The following MARCO variants were observed in gnomAD, a reference collection of about 807,000 sequenced individuals.
The protein encoded by MARCO is macrophage receptor with collagenous structure.
Under a neutral mutation model 70.0 loss-of-function variants are expected in MARCO, and 72 were observed. That is an observed-to-expected ratio of 1.03 (90% CI 0.85 to 1.25). The LOEUF is 1.25. MARCO is among the 50% of genes most tolerant of loss of function. The pLI is 0.00. For missense variants in MARCO, 696 were observed against 659.3 expected (o/e 1.06, Z -0.61); for synonymous variants, 273 against 243.1 (o/e 1.12, Z -1.14).
intron 1 of MARCO, among the ~76,000 whole-genome samples, chr2:118,943,054 C>T (rs531706131): frequency 6.6e-6 from 1 of 152,322 alleles, no homozygotes; most frequent in Non-Finnish European, 1.5e-5. Flanking sequence ...TTGCATTCCA[C>T]AAATGAGCTC....
At position 118,977,831 on chromosome 2, in the gene MARCO, C is replaced by A. The variant is rs772814733; in HGVS notation, c.662C>A (p.Thr221Asn). 32 of 1,610,626 alleles carry A rather than the reference C, an allele frequency of 2.0e-5. No individual in the cohort carries two copies. The East Asian group carries it at 6.9e-4, about 35-fold the overall frequency. ...GAPGKQGATGTPGPQGEKGSK... is the reference protein window; with the variant it reads ...GAPGKQGATGNPGPQGEKGSK... ...TCACCAGCCATTCTCTTTGCAGGCA[C>A]CCCAGGACCCCAAGGAGAGAAGGGC... The change falls in exon 8 of 17, where the codon ACC (threonine) becomes AAC (asparagine). Residue 221 changes from threonine to asparagine, a missense_variant. Around this residue, in one of 3 missense-constraint regions of MARCO, gnomAD observed 605 missense variants for 537.6 expected, o/e 1.13. Coordinates refer to ENST00000327097, the MANE Select transcript of MARCO (RefSeq NM_006770.4).
rs929483233 is a variant in MARCO, at chr2:118,982,344, C to T, written c.1001-4C>T. 6.2e-7 allele frequency: 1 copy of T among 1,613,824 alleles called. No homozygotes were observed. Among genetic ancestry groups the T allele is most frequent in the Non-Finnish European group, 8.5e-7 (1 of 1,179,848 alleles). On this transcript the variant is annotated splice_polypyrimidine_tract_variant and splice_region_variant and intron_variant, in intron 11 of 16. Coordinates refer to ENST00000327097, the MANE Select transcript of MARCO (RefSeq NM_006770.4). ...TTATGCTCTCTGTGGTGTCTGTTGT[C>T]CAGGACTTCCAGGGAGCCCCGGGAG...
At chr2:118,971,431 C>G (rs1476603726) in intron 3 of MARCO, 68 bp from the exon 4 acceptor site, 2 of 1,506,792 alleles carry the variant, frequency 1.3e-6, no homozygotes, top group Non-Finnish European at 1.8e-6. Flanking sequence ...AACCTGGGCA[C>G]TCTCAGTTGG....
Position 118,991,807 on chromosome 2 carries a change from G to T in MARCO, c.1139G>T (p.Ser380Ile), listed in dbSNP as rs370114985. The change falls in exon 14 of 17, where the codon AGC becomes ATC. Residue 380 changes from serine to isoleucine, a missense_variant. Coordinates refer to ENST00000327097, the MANE Select transcript of MARCO (RefSeq NM_006770.4). ...GCAGGTGTGAAGGGAGAACAGGGGA[G>T]CCCAGGGCTGGCAGGTCCCAAGGGA... ...GPAGVKGEQG[S>I]PGLAGPKGAP... 1.8e-5 allele frequency: 29 copies of T among 1,597,124 alleles called. No homozygotes were observed. The highest frequency in any genetic ancestry group is 2.3e-5 in the Non-Finnish European group (27 of 1,173,322).
chr2:118,982,521 C>T, intron 12 of MARCO, 111 bp downstream of exon 12: 1 of 1,067,694 alleles, frequency 9.4e-7, no homozygotes, highest in Non-Finnish European at 1.4e-6. Context: ...TCTTCTGTGC[C>T]TTGGCCTCTG....
At chr2:118,962,953 T>A (rs944570374) in intron 1 of MARCO, among the ~76,000 whole-genome samples, 39 of 152,196 alleles carry the variant, frequency 2.6e-4, no homozygotes, top group African/African-American at 8.4e-4. Context: ...AGCACCTGTT[T>A]CATTTCTGAT....
chr2:118,954,610 C>A (rs558111600), intron 1 of MARCO, among the ~76,000 whole-genome samples: 6 of 152,196 alleles, frequency 3.9e-5, no homozygotes, highest in Non-Finnish European at 8.8e-5. Context: ...GCAGGCCAAC[C>A]AGCACAAAAA....
At chr2:118,966,866 G>A (rs908056240) in intron 1 of MARCO, among the ~76,000 whole-genome samples, 3 of 152,174 alleles carry the variant, frequency 2.0e-5, no homozygotes, top group African/African-American at 7.2e-5. Flanking sequence ...CGTGTTAAAT[G>A]TGAGGCTCCC....
chr2:118,957,672 C>A (rs956018177), intron 1 of MARCO, among the ~76,000 whole-genome samples: 5 of 152,026 alleles, frequency 3.3e-5, no homozygotes, highest in Admixed American at 6.6e-5. Flanking sequence ...GCCTTCATTA[C>A]CCTAACACCA....
In MARCO at chr2:118,991,135, C is replaced by T. The variant is rs112251706; in HGVS notation, c.1108+502C>T. On this transcript the variant is annotated intron_variant, in intron 13 of 16. Transcript: ENST00000327097. ...GGGTACTGAGCTGGCACCAGCTGGA[C>T]GGTGTTTCTAGGCCTCTCAAGAGCC... Among the ~76,000 whole-genome samples the T allele has an allele frequency of 1.1e-3, 171 of 152,266 alleles. 2 individuals carry two copies. The highest frequency in any genetic ancestry group is 1.9e-3 in the Non-Finnish European group (127 of 68,020).
intron 1 of MARCO, among the ~76,000 whole-genome samples, chr2:118,951,593 T>A (rs906792281): frequency 1.3e-5 from 2 of 152,240 alleles, no homozygotes; most frequent in Non-Finnish European, 2.9e-5. Flanking sequence ...GGTTAAGGAT[T>A]TTTTATTAGA....
Position 118,982,220 on chromosome 2 carries a change from T to A in MARCO, c.966T>A (p.Gly322=), listed in dbSNP as rs773394629. 3.7e-6 allele frequency: 6 copies of A among 1,612,964 alleles called. No homozygotes were observed. The highest frequency in any genetic ancestry group is 1.7e-5 in the Admixed American group (1 of 59,960). Residue 322 remains glycine, a synonymous_variant, in exon 11 of 17, where the codon GGT becomes GGA. Transcript: ENST00000327097. ...PGAVGHPGAK[G]EPGSAGSPGR... is the part of the protein sequence containing the mutation. Reference sequence around the variant, plus strand: ...CAGTGGGACACCCAGGTGCCAAGGGTGAGCCTGGCAGTGCTGGCTCCCCTG... The same window carrying A: ...CAGTGGGACACCCAGGTGCCAAGGGAGAGCCTGGCAGTGCTGGCTCCCCTG...
At chr2:118,954,925 C>T (rs1211296401) in intron 1 of MARCO, among the ~76,000 whole-genome samples, 1 of 152,106 alleles carries the variant, frequency 6.6e-6, no homozygotes, top group Non-Finnish European at 1.5e-5. Context: ...CAGCAATCTT[C>T]AGCCCTAGAC....
rs528071542 is a variant in MARCO, at chr2:118,983,003, G to A, written c.1063+593G>A. Among the ~76,000 whole-genome samples the A allele has an allele frequency of 2.4e-4, 37 of 152,298 alleles. No homozygotes were observed. In the South Asian group the frequency reaches 4.6e-3, roughly 19 times the overall value. Reference sequence around the variant, plus strand: ...GGTCCAGTCACAGTGTGCTTGCTTGGTCTAGAAAGTCCAGACCACTATCAC... The same window carrying A: ...GGTCCAGTCACAGTGTGCTTGCTTGATCTAGAAAGTCCAGACCACTATCAC... On this transcript the variant is annotated intron_variant, in intron 12 of 16. Coordinates refer to ENST00000327097, the MANE Select transcript of MARCO (RefSeq NM_006770.4).
intron 12 of MARCO, 73 bp downstream of exon 12, chr2:118,982,483 T>A: frequency 7.1e-7 from 1 of 1,411,328 alleles, no homozygotes; most frequent in Middle Eastern, 1.8e-4. Context: ...AAACTGCTTC[T>A]TCTTAGGCCC....
At chr2:118,992,359 A>T in intron 14 of MARCO, 73 bp from the exon 15 acceptor site, 1 of 1,260,680 alleles carries the variant, frequency 7.9e-7, no homozygotes, top group Non-Finnish European at 1.2e-6. Context: ...CCCGCTCCCC[A>T]CTCATGCAAA....
intron 12 of MARCO, among the ~76,000 whole-genome samples, chr2:118,983,132 T>C (rs972606010): frequency 2.0e-5 from 3 of 151,982 alleles, no homozygotes; most frequent in African/African-American, 7.3e-5. Flanking sequence ...TGGGCATTTC[T>C]GTGGAGAACT....
chr2:118,981,366 T>G, intron 8 of MARCO, 43 bp from the exon 9 acceptor site: 1 of 1,293,600 alleles, frequency 7.7e-7, no homozygotes, highest in Admixed American at 2.0e-5. Context: ...GTGGCCTGAT[T>G]GGAGTTCCTC....
chr2:118,950,914 C>G (rs1279208424), intron 1 of MARCO, among the ~76,000 whole-genome samples: 1 of 152,110 alleles, frequency 6.6e-6, no homozygotes, highest in Non-Finnish European at 1.5e-5. Context: ...ACATATGACA[C>G]TGTTAATATT....
Sources: allele counts gnomAD v4.1 joint callset (sites outside exome capture counted in the v4.1 genomes callset), GRCh38; gene constraint gnomAD v4.1.1; regional missense constraint gnomAD v4.1.1; transcripts MANE v1.5; gene names NCBI Gene and HGNC (gene_info 2026-07-23, HGNC 2026-07-21).